HABP2: variants seen among roughly 807,000 people sequenced by gnomAD.
HABP2 encodes the protein hyaluronan binding protein 2.
Under a neutral mutation model 66.5 loss-of-function variants are expected in HABP2, and 65 were observed. That is an observed-to-expected ratio of 0.98 (90% CI 0.80 to 1.20). HABP2 has a LOEUF of 1.20. Ranked by LOEUF, HABP2 falls within the 50% of genes most tolerant of loss-of-function variation. HABP2 has a pLI of 0.00. For missense variants in HABP2, 786 were observed against 691.0 expected (o/e 1.14, Z -1.54); for synonymous variants, 263 against 253.9 (o/e 1.04, Z -0.34).
chr10:113,585,344 CTTTATG>C (rs906747922), intron 11 of HABP2, among the ~76,000 whole-genome samples: 17 of 152,148 alleles, frequency 1.1e-4, no homozygotes, highest in Non-Finnish European at 2.2e-4. Flanking sequence ...TTCTCTAAGA[CTTTATG>C]TTCAAAACAT....
rs1341779368 is a variant in HABP2, at chr10:113,585,945, G to A, written c.1518+7G>A. The A allele has an allele frequency of 6.2e-7, 1 of 1,613,122 alleles. No individual in the cohort carries two copies. Among genetic ancestry groups the A allele is most frequent in the Non-Finnish European group, 8.5e-7 (1 of 1,179,148 alleles). ...TGGGCAAGACACCTGCCAGGTCAGA[G>A]ACTCCAAGTGGTGCTTGTGGTAGGA... is the stretch of plus-strand genomic sequence containing the variant. On this transcript the variant is annotated splice_region_variant and intron_variant, in intron 12 of 12. Coordinates refer to ENST00000351270, the MANE Select transcript of HABP2 (RefSeq NM_004132.5).
chr10:113,575,237 A>G (rs1845387754), intron 3 of HABP2, among the ~76,000 whole-genome samples: 1 of 152,230 alleles, frequency 6.6e-6, no homozygotes, highest in Admixed American at 6.5e-5. Context: ...CCAAAGAACA[A>G]TGTGTGTGAA....
chr10:113,587,081 G>A (rs1385834203), intron 12 of HABP2, among the ~76,000 whole-genome samples: 1 of 152,218 alleles, frequency 6.6e-6, no homozygotes, highest in Admixed American at 6.5e-5. Context: ...TTGGGAGGCT[G>A]AGGCGGGCAG....
At chr10:113,567,987 C>T (rs1455159363) in intron 2 of HABP2, among the ~76,000 whole-genome samples, 1 of 152,256 alleles carries the variant, frequency 6.6e-6, no homozygotes, top group Non-Finnish European at 1.5e-5. Context: ...ACCAGCACCT[C>T]TGCTGTTGTC....
At chr10:113,587,745 T>C (rs919882343) in intron 12 of HABP2, among the ~76,000 whole-genome samples, 22 of 152,188 alleles carry the variant, frequency 1.4e-4, no homozygotes, top group African/African-American at 5.3e-4. Context: ...GATCTATTGC[T>C]ATCTATGGTT....
At position 113,577,994 on chromosome 10, in the gene HABP2, G is replaced by T. The variant is rs143527420; in HGVS notation, c.449-32G>T. The T allele has an allele frequency of 1.1e-5, 17 of 1,610,364 alleles. No homozygotes were observed. The African/African-American group carries it at 2.1e-4, about 20-fold the overall frequency. Reference sequence around the variant, plus strand: ...GACATGGGCTGCAACTCCTTCTGAAGAGCCTTCCTGGCCCCATTCCTGTGT... The same window carrying T: ...GACATGGGCTGCAACTCCTTCTGAATAGCCTTCCTGGCCCCATTCCTGTGT... On this transcript the variant is annotated intron_variant, in intron 5 of 12. Transcript: ENST00000351270.
Position 113,582,061 on chromosome 10 carries a change from C to T in HABP2, c.1024C>T (p.Pro342Ser), listed in dbSNP as rs771115382. 2 of 1,613,316 alleles carry T rather than the reference C, an allele frequency of 1.2e-6. No individual in the cohort carries two copies. The highest frequency in any genetic ancestry group is 2.7e-5 in the African/African-American group (2 of 74,942). ...CTCGCTGCCTCTGACCATCTCCATGCCCCAGGGCCACTTCTGTGGTGGGGC... is the reference window on the plus strand; with the variant it reads ...CTCGCTGCCTCTGACCATCTCCATGTCCCAGGGCCACTTCTGTGGTGGGGC... ...QSSLPLTISM[P>S]QGHFCGGALI... The change falls in exon 9 of 13, where the codon CCC becomes TCC. Residue 342 changes from proline (P) to serine (S), a missense_variant. By Grantham distance (74) the Pro-to-Ser change is moderately conservative. Coordinates refer to ENST00000351270, the MANE Select transcript of HABP2 (RefSeq NM_004132.5).
At position 113,588,852 on chromosome 10, in the gene HABP2, A is replaced by C. The variant is rs1845742293; in HGVS notation, c.*483A>C. On this transcript the variant is annotated 3_prime_UTR_variant, in exon 13 of 13. Transcript: ENST00000351270. Reference sequence around the variant, plus strand: ...ATCTGCTTTCAGAGTTATTATTTTAATAAAGGAAGATCTGGGATGGGCTGG... The same window carrying C: ...ATCTGCTTTCAGAGTTATTATTTTACTAAAGGAAGATCTGGGATGGGCTGG... The C allele has an allele frequency of 1.1e-5, 8 of 720,038 alleles. No homozygotes were observed. The highest frequency in any genetic ancestry group is 2.3e-5 in the Admixed American group (1 of 44,148). The allele number at this position is 720,038 out of a possible 1,614,324, so 44.6% of individuals were successfully genotyped here. A position where few individuals can be genotyped will look rare whatever the true frequency, so the allele number is the denominator to read the frequency against.
chr10:113,553,052 T>C (rs2240879), upstream of HABP2: 364,169 of 1,067,296 alleles, frequency 0.34, 65,312 homozygotes, highest in Middle Eastern at 0.49. Flanking sequence ...CTGACATTTT[T>C]CCCCCCTAAA....
chr10:113,564,761 C>G (rs548630685), intron 1 of HABP2, among the ~76,000 whole-genome samples: 66 of 152,270 alleles, frequency 4.3e-4, no homozygotes, highest in African/African-American at 1.5e-3. Context: ...CTCTCATTCT[C>G]CTGTGTGTAT....
chr10:113,562,272 G>T (rs1006042203), intron 1 of HABP2, among the ~76,000 whole-genome samples: 3 of 152,164 alleles, frequency 2.0e-5, no homozygotes, highest in Admixed American at 6.5e-5. Flanking sequence ...GGTGGGAGAA[G>T]TGGGCAGTGG....
chr10:113,556,440 C>T (rs922211624), intron 1 of HABP2, among the ~76,000 whole-genome samples: 3 of 152,168 alleles, frequency 2.0e-5, no homozygotes, highest in African/African-American at 7.2e-5. Flanking sequence ...TGAGGCCAGG[C>T]ATGGTAGCTC....
At chr10:113,565,664 G>A (rs1845184875) in intron 1 of HABP2, among the ~76,000 whole-genome samples, 1 of 152,200 alleles carries the variant, frequency 6.6e-6, no homozygotes. Flanking sequence ...GAGGTTTGGA[G>A]AGGACAAATA....
rs1301899793 is a variant in HABP2, at chr10:113,588,210, C to T, written c.1524C>T (p.Asp508=). ...TATGCCTCTGTTTCCCTTAGGGTGA[C>T]TCTGGAGGCCCCCTGACCTGTGAGA... ...QKPGQDTCQG[D]SGGPLTCEKD... is the part of the protein sequence containing the mutation. Residue 508 remains aspartate, a synonymous_variant, in exon 13 of 13, where the codon GAC becomes GAT. Transcript: ENST00000351270. The T allele has an allele frequency of 3.1e-6, 5 of 1,602,376 alleles. No individual in the cohort carries two copies. The highest frequency in any genetic ancestry group is 3.4e-6 in the Non-Finnish European group (4 of 1,175,274).
chr10:113,553,305 G>A, intron 1 of HABP2, 115 bp downstream of exon 1: 1 of 777,864 alleles, frequency 1.3e-6, no homozygotes, highest in South Asian at 1.5e-5. Flanking sequence ...TTGCCAAGTT[G>A]GAGATGTTCT....
chr10:113,564,023 A>C (rs1204334461), intron 1 of HABP2, among the ~76,000 whole-genome samples: 2 of 152,158 alleles, frequency 1.3e-5, no homozygotes, highest in African/African-American at 4.8e-5. Context: ...GCTGCTAATA[A>C]AGACATACCC....
intron 4 of HABP2, among the ~76,000 whole-genome samples, chr10:113,576,684 G>A (rs1592695207): frequency 6.6e-6 from 1 of 152,134 alleles, no homozygotes. Flanking sequence ...CTTTGTGGTT[G>A]ACTTCTTCCC....
intron 2 of HABP2, among the ~76,000 whole-genome samples, chr10:113,570,580 C>G (rs181015638): frequency 6.6e-6 from 1 of 152,332 alleles, no homozygotes; most frequent in Admixed American, 6.5e-5. Flanking sequence ...TTATGGCAGG[C>G]TACTGTGCCT....
intron 2 of HABP2, chr10:113,572,672 T>C (rs1845334533): frequency 2.2e-6 from 1 of 455,082 alleles, no homozygotes; most frequent in Non-Finnish European, 4.4e-6. Context: ...GGAGGAAAAC[T>C]TTATTTGCTC....
Sources: gnomAD v4.1 joint callset for allele counts (sites outside exome capture counted in the v4.1 genomes callset) on GRCh38, gnomAD v4.1.1 for gene constraint, MANE v1.5 for transcripts, NCBI Gene and HGNC (gene_info 2026-07-23, HGNC 2026-07-21) for gene names.